Variants in NUP214 observed in about 807,000 individuals in gnomAD.
The protein encoded by NUP214 is nucleoporin 214.
In NUP214, 79 loss-of-function variants were observed where a neutral mutation model predicts 196.2. That is an observed-to-expected ratio of 0.40 (90% CI 0.34 to 0.49). NUP214 has a LOEUF of 0.49. Ranked by LOEUF, NUP214 falls within the 20% of genes least tolerant of loss-of-function variation. The pLI is 0.58. For synonymous variants in NUP214, 1,020 were observed against 990.5 expected, an observed-to-expected ratio of 1.03 and a Z score of -0.56; for missense variants, 2,468 against 2,539.0, an observed-to-expected ratio of 0.97 and a Z score of 0.60.
intron 30 of NUP214, among the ~76,000 whole-genome samples, chr9:131,210,495 C>T (rs567113811): frequency 3.9e-5 from 6 of 152,068 alleles, no homozygotes; most frequent in South Asian, 2.1e-4. Flanking sequence ...GGCATGGTGG[C>T]GCGCCCCTGT....
intron 30 of NUP214, among the ~76,000 whole-genome samples, chr9:131,210,988 A>C (rs1253282076): frequency 6.6e-6 from 1 of 152,244 alleles, no homozygotes; most frequent in African/African-American, 2.4e-5. Context: ...AATACATCCC[A>C]TATTCATGGA....
chr9:131,128,294 C>T (rs370041986), intron 2 of NUP214, 38 bp from the exon 3 acceptor site: 11 of 1,590,594 alleles, frequency 6.9e-6, no homozygotes, highest in South Asian at 1.1e-5. Context: ...ATGCTTAGAA[C>T]ATACCGTTTT....
chr9:131,231,483 A>G (rs561644450), intron 34 of NUP214, among the ~76,000 whole-genome samples: 1 of 150,510 alleles, frequency 6.6e-6, no homozygotes, highest in Non-Finnish European at 1.5e-5. Flanking sequence ...TGGCATATAT[A>G]TTTTTTTTTA....
intron 28 of NUP214, 29 bp from the exon 29 acceptor site, chr9:131,197,187 C>T: frequency 6.2e-7 from 1 of 1,605,490 alleles, no homozygotes; most frequent in South Asian, 1.1e-5. Flanking sequence ...CTAAATCCAA[C>T]CCATTTTCTG....
rs190236794 is a variant in NUP214 at position 131,125,777 on chromosome 9, C to T, written c.45+28C>T. On this transcript the variant is annotated intron_variant, in intron 1 of 35. Transcript: ENST00000359428. The surrounding 1 kb of genome is among the most constrained non-coding windows in gnomAD (Gnocchi z 4.1). Reference sequence around the variant, plus strand: ...CAGAGACTAACCGGGGCCTCCCTCCCTTCTTTAGTCCTGGCGTTGCCTTGG... The same window carrying T: ...CAGAGACTAACCGGGGCCTCCCTCCTTTCTTTAGTCCTGGCGTTGCCTTGG... 6.9e-4 allele frequency: 1,076 copies of T among 1,550,338 alleles called. 7 individuals carry two copies. In the African/African-American group the frequency reaches 0.013, roughly 19 times the overall value.
chr9:131,194,468 G>A (rs1308983835), intron 27 of NUP214, among the ~76,000 whole-genome samples: 1 of 152,042 alleles, frequency 6.6e-6, no homozygotes, highest in African/African-American at 2.4e-5. Flanking sequence ...AAACTCCTGG[G>A]CTCAAAGGAT....
chr9:131,222,257 A>T (rs1017011988), intron 31 of NUP214, among the ~76,000 whole-genome samples: 2 of 152,252 alleles, frequency 1.3e-5, no homozygotes, highest in African/African-American at 2.4e-5. Flanking sequence ...AGCCATAAGC[A>T]TGCTGAACTT....
At position 131,178,423 on chromosome 9, in the gene NUP214, T is replaced by A; in HGVS notation, c.3419+13T>A. The A allele has an allele frequency of 6.3e-7, 1 of 1,589,574 alleles. No individual in the cohort carries two copies. ...CTACAGCCATGGGGTATGTTCTGAC[T>A]GCAGTGTGTTTCAGCCCCTGGCTGC... On this transcript the variant is annotated intron_variant, in intron 24 of 35. Coordinates refer to ENST00000359428, the MANE Select transcript of NUP214 (RefSeq NM_005085.4).
intron 34 of NUP214, among the ~76,000 whole-genome samples, chr9:131,231,085 G>A (rs1023647086): frequency 2.6e-4 from 40 of 152,188 alleles, no homozygotes; most frequent in Admixed American, 1.4e-3. Context: ...TCACTTGAGC[G>A]CTGCAGTGAG....
Position 131,228,231 on chromosome 9 carries a change from C to T in NUP214, c.5974C>T (p.Pro1992Ser), listed in dbSNP as rs1384018668. The change falls in exon 33 of 36, where the codon CCA becomes TCA. Residue 1992 changes from proline (P) to serine (S), a missense_variant. Physicochemically the swap from Pro to Ser is moderately conservative, Grantham distance 74. Coordinates refer to ENST00000359428, the MANE Select transcript of NUP214 (RefSeq NM_005085.4). Reference protein sequence around the residue: ...FGGSPGFGGVPAFGSAPAFTS... With the variant: ...FGGSPGFGGVSAFGSAPAFTS... ...GGGATCCCCTGGGTTTGGAGGGGTG[C>T]CAGCATTCGGTTCAGCCCCAGCCTT... 6.2e-7 allele frequency: 1 copy of T among 1,605,396 alleles called. No individual in the cohort carries two copies. Among genetic ancestry groups the T allele is most frequent in the African/African-American group, 1.3e-5 (1 of 74,168 alleles).
intron 31 of NUP214, among the ~76,000 whole-genome samples, chr9:131,220,172 T>C (rs1256653085): frequency 1.3e-5 from 2 of 152,216 alleles, no homozygotes; most frequent in Non-Finnish European, 1.5e-5. Context: ...TTGTTTTTTT[T>C]ACTGGATAGT....
Position 131,164,223 on chromosome 9 carries a change from G to A in NUP214, c.2893+79G>A, listed in dbSNP as rs111561588. The stretch of plus-strand genomic sequence containing the variant: ...TGTGTGTGTGCGCGCGCACATGCAC[G>A]TGTGCATGTGTGAGCTAGGGTGCTG... On this transcript the variant is annotated intron_variant, in intron 21 of 35. Coordinates refer to ENST00000359428, the MANE Select transcript of NUP214 (RefSeq NM_005085.4). The A allele has an allele frequency of 4.2e-5, 51 of 1,214,232 alleles. 1 individual carries two copies. The highest frequency in any genetic ancestry group is 7.5e-5 in the African/African-American group (5 of 67,088). 75.2% of individuals were successfully genotyped at this position (1,214,232 alleles called of 1,614,324 possible).
At chr9:131,130,137 G>GTTTTTTTTTTTTGTTTTTTTT (rs1831492300) in intron 4 of NUP214, among the ~76,000 whole-genome samples, 1 of 76,894 alleles carries the variant, frequency 1.3e-5, no homozygotes, top group African/African-American at 5.0e-5. Context: ...TTCTGGTTTT[G>GTTTTTTTTTTTTGTTTTTTTT]TTTTTTTTTT....
In NUP214 at chr9:131,198,062, C is replaced by T. The variant is rs1194910575; in HGVS notation, c.4568C>T (p.Ser1523Leu). ...GCCTCACTTCTAGAGGAGCAACAGT[C>T]AGCCCAGCTTCCCCAGGCTCCTCCG... Reference protein sequence around the residue: ...SAASLLEEQQSAQLPQAPPQT... With the variant: ...SAASLLEEQQLAQLPQAPPQT... Residue 1523 changes from serine to leucine, a missense_variant, in exon 29 of 36, where the codon TCA (serine) becomes TTA (leucine). By Grantham distance (145) the Ser-to-Leu change is moderately radical (BLOSUM62 -2). This residue lies in a region of NUP214 where 1,801 missense variants were observed against 1,779.4 expected (regional missense o/e 1.01). Coordinates refer to ENST00000359428, the MANE Select transcript of NUP214 (RefSeq NM_005085.4). The T allele has an allele frequency of 3.1e-6, 5 of 1,614,120 alleles. No individual in the cohort carries two copies. The highest frequency in any genetic ancestry group is 4.2e-6 in the Non-Finnish European group (5 of 1,180,040).
chr9:131,206,148 C>CTTTTTTTTTTTTTTTTTTTTT (rs71265048), intron 30 of NUP214, among the ~76,000 whole-genome samples: 1,266 of 76,204 alleles, frequency 0.017, 283 homozygotes, highest in East Asian at 0.023. Flanking sequence ...TTTCTTTTTT[C>CTTTTTTTTTTTTTTTTTTTTT]TTTTTTTTTT....
At chr9:131,209,302 C>T (rs945342439) in intron 30 of NUP214, among the ~76,000 whole-genome samples, 1 of 152,110 alleles carries the variant, frequency 6.6e-6, no homozygotes, top group Non-Finnish European at 1.5e-5. Flanking sequence ...CACTTGAGCT[C>T]GGGAGGTCAA....
chr9:131,232,183 T>C lies in NUP214; in HGVS notation c.6215-101T>C, dbSNP rs1834898144. ...GTAGGTGGTGGAGGCACGGAGGGCT[T>C]CCCACAAGAAGCACAGAGGAGGGCA... is the stretch of plus-strand genomic sequence containing the variant. On this transcript the variant is annotated intron_variant, in intron 34 of 35. Transcript: ENST00000359428. This position sits in a 1 kb window ranked among gnomAD's most constrained non-coding sequence, Gnocchi z 5.1. 8 of 1,285,714 alleles carry C rather than the reference T, an allele frequency of 6.2e-6. No individual in the cohort carries two copies. Among genetic ancestry groups the C allele is most frequent in the Non-Finnish European group, 9.1e-6 (8 of 880,780 alleles). The allele number at this position is 1,285,714 out of a possible 1,614,324, so 79.6% of individuals were successfully genotyped here. A position where few individuals can be genotyped will look rare whatever the true frequency, so the allele number is the denominator to read the frequency against.
rs1409549394 is a variant in NUP214, at chr9:131,195,306, G to A, written c.3721+12G>A. The A allele has an allele frequency of 1.3e-5, 21 of 1,605,090 alleles. 1 individual carries two copies. The highest frequency in any genetic ancestry group is 4.4e-5 in the South Asian group (4 of 90,870). On this transcript the variant is annotated intron_variant, in intron 28 of 35. Coordinates refer to ENST00000359428, the MANE Select transcript of NUP214 (RefSeq NM_005085.4). ...CACTGCTGCACAAGGTACAGACTCT[G>A]TGTTGAGTAGCATTACTCATGTGTT...
At chr9:131,192,594 A>C (rs1236225693) in intron 27 of NUP214, 1 of 210,368 alleles carries the variant, frequency 4.8e-6, no homozygotes, top group African/African-American at 2.3e-5. Flanking sequence ...AGTTTGTCAC[A>C]CTGAGATGTT....
Sources: allele counts gnomAD v4.1 joint callset (sites outside exome capture counted in the v4.1 genomes callset), GRCh38; gene constraint gnomAD v4.1.1; regional missense constraint gnomAD v4.1.1; non-coding constraint Gnocchi (gnomAD v3.1); transcripts MANE v1.5; gene names NCBI Gene and HGNC (gene_info 2026-07-23, HGNC 2026-07-21).